SLC44A5: variants seen among roughly 807,000 people sequenced by gnomAD.
SLC44A5 encodes the protein solute carrier family 44 member 5, also known as choline transporter-like protein 5.
In SLC44A5, 57 loss-of-function variants were observed where a neutral mutation model predicts 101.8. The observed-to-expected ratio is 0.56, with a 90% CI of 0.45 to 0.70. The LOEUF (loss-of-function observed/expected upper bound fraction) is 0.70, where lower values mean the gene tolerates loss of function less well. Ranked by LOEUF, SLC44A5 falls within the 30% of genes least tolerant of loss-of-function variation. The pLI, the probability that SLC44A5 is intolerant of heterozygous loss-of-function variation, is 0.00. For synonymous variants in SLC44A5, 281 were observed against 290.9 expected, an observed-to-expected ratio of 0.97 and a Z score of 0.35; for missense variants, 737 against 853.1, an observed-to-expected ratio of 0.86 and a Z score of 1.70.
the SLC44A5 span, among the ~76,000 whole-genome samples, chr1:75,648,682 G>A: frequency 1.3e-5 from 2 of 152,032 alleles, no homozygotes; most frequent in Non-Finnish European, 2.9e-5. Context: ...CTATTTTGGG[G>A]TAGTGTCTCC....
the SLC44A5 span, among the ~76,000 whole-genome samples, chr1:75,634,797 G>C: frequency 2.0e-5 from 3 of 152,046 alleles, no homozygotes; most frequent in Non-Finnish European, 4.4e-5. Context: ...GGCAACAAAA[G>C]ACAAAATTGA....
intron 2 of SLC44A5, chr1:75,522,009 G>A (rs952541286): frequency 2.0e-5 from 3 of 152,374 alleles, no homozygotes; most frequent in Non-Finnish European, 2.9e-5. Flanking sequence ...GAAGGAGCAG[G>A]AGGAGAGGAA....
chr1:75,438,224 G>A (rs1484930774), intron 2 of SLC44A5, among the ~76,000 whole-genome samples: 1 of 152,100 alleles, frequency 6.6e-6, no homozygotes, highest in Admixed American at 6.6e-5. Context: ...CAGCAATCTG[G>A]AAGTTATTGA....
chr1:75,539,787 G>A (rs989268785), intron 2 of SLC44A5, among the ~76,000 whole-genome samples: 8 of 152,246 alleles, frequency 5.3e-5, no homozygotes, highest in African/African-American at 1.7e-4. Flanking sequence ...TAGTGGAAAT[G>A]TTTAAAAAGT....
rs548485431 is a variant in SLC44A5 at position 75,545,009 on chromosome 1, C to T, written c.-69-3493G>A. On this transcript the variant is annotated intron_variant, in intron 1 of 23. Transcript: ENST00000370859. ...TCTCCTAATGCTATCCGTCCCCTAG[C>T]CCCCCACCCTCCAAAAGGCCCTGGT... Among the ~76,000 whole-genome samples, 8 of 152,120 alleles carry T rather than the reference C, an allele frequency of 5.3e-5. No homozygotes were observed. In the South Asian group the frequency reaches 1.7e-3, roughly 32 times the overall value.
chr1:75,240,466 C>A (rs77093633), intron 9 of SLC44A5, among the ~76,000 whole-genome samples: 3,298 of 152,156 alleles, frequency 0.022, 94 homozygotes, highest in African/African-American at 0.069. Flanking sequence ...GTGTACTTAG[C>A]CAAAGTGTAC....
chr1:75,677,904 C>A, the SLC44A5 span: 3 of 292,592 alleles, frequency 1.0e-5, no homozygotes, highest in South Asian at 5.2e-5. Context: ...AGTGGGTGCA[C>A]GCACCGTGCA....
At chr1:75,513,238 CATGT>C (rs1669657018) in intron 2 of SLC44A5, among the ~76,000 whole-genome samples, 1 of 152,172 alleles carries the variant, frequency 6.6e-6, no homozygotes, top group Admixed American at 6.6e-5. Context: ...AGGCAAAGCT[CATGT>C]GGAGTCTGAA....
chr1:75,452,539 C>T (rs1665963876), intron 2 of SLC44A5, among the ~76,000 whole-genome samples: 1 of 152,094 alleles, frequency 6.6e-6, no homozygotes, highest in African/African-American at 2.4e-5. Context: ...GGATCAAAAC[C>T]TCACATATCA....
intron 1 of SLC44A5, among the ~76,000 whole-genome samples, chr1:75,587,209 A>G (rs1012408321): frequency 2.0e-5 from 3 of 152,168 alleles, no homozygotes; most frequent in Admixed American, 2.0e-4. Flanking sequence ...GAAATTCAGC[A>G]TTAGAGGAAT....
At chr1:75,311,245 T>C (rs918396421) in intron 4 of SLC44A5, among the ~76,000 whole-genome samples, 4 of 151,896 alleles carry the variant, frequency 2.6e-5, no homozygotes, top group Non-Finnish European at 4.4e-5. Flanking sequence ...GCCTCCCGAG[T>C]AGCTGGGATT....
chr1:75,318,368 CTTGAAAGAAAGAAAGA>C (rs1655860425), intron 4 of SLC44A5, among the ~76,000 whole-genome samples: 1 of 117,088 alleles, frequency 8.5e-6, no homozygotes, highest in African/African-American at 3.4e-5. Flanking sequence ...AATCCCATCT[CTTGAAAGAAAGAAAGA>C]AAGAAAGAAA....
intron 1 of SLC44A5, among the ~76,000 whole-genome samples, chr1:75,597,755 T>C (rs211685): frequency 0.67 from 102,627 of 152,154 alleles, 34,978 homozygotes; most frequent in East Asian, 0.84. Context: ...AGATTGAAAC[T>C]GGACCTCTTT....
At chr1:75,487,517 G>C (rs910570760) in intron 2 of SLC44A5, among the ~76,000 whole-genome samples, 2 of 152,162 alleles carry the variant, frequency 1.3e-5, no homozygotes, top group Non-Finnish European at 2.9e-5. Flanking sequence ...TTAATTGTTC[G>C]GGGTCTAAAG....
chr1:75,630,521 T>C, the SLC44A5 span, among the ~76,000 whole-genome samples: 1 of 152,120 alleles, frequency 6.6e-6, no homozygotes, highest in African/African-American at 2.4e-5. Flanking sequence ...GCTTTCCAAG[T>C]GGTCCTCTAG....
At chr1:75,239,420 A>C (rs1008031261) in intron 9 of SLC44A5, among the ~76,000 whole-genome samples, 2 of 152,022 alleles carry the variant, frequency 1.3e-5, no homozygotes, top group Non-Finnish European at 2.9e-5. Flanking sequence ...TCTTATAAGA[A>C]GCATCACTGA....
the SLC44A5 span, among the ~76,000 whole-genome samples, chr1:75,631,760 C>T: frequency 1.3e-3 from 198 of 151,928 alleles, no homozygotes; most frequent in Middle Eastern, 3.4e-3. Flanking sequence ...CAGTCTTGAA[C>T]TCCTGACCTC....
intron 1 of SLC44A5, among the ~76,000 whole-genome samples, chr1:75,588,620 C>T (rs1176955610): frequency 1.3e-5 from 2 of 151,922 alleles, no homozygotes; most frequent in Non-Finnish European, 2.9e-5. Flanking sequence ...TTTTTTAAAA[C>T]ATATTAAGAA....
chr1:75,359,390 A>G (rs1251972907), intron 3 of SLC44A5, among the ~76,000 whole-genome samples: 1 of 149,174 alleles, frequency 6.7e-6, no homozygotes, highest in African/African-American at 2.5e-5. Context: ...GCATGCCACC[A>G]CGCTGGCTAA....
Sources: gnomAD v4.1 joint callset for allele counts (sites outside exome capture counted in the v4.1 genomes callset) on GRCh38, gnomAD v4.1.1 for gene constraint, MANE v1.5 for transcripts, NCBI Gene and HGNC (gene_info 2026-07-23, HGNC 2026-07-21) for gene names.